The following MAN1A1 variants were observed in gnomAD, a reference collection of about 807,000 sequenced individuals.
MAN1A1 encodes mannosidase alpha class 1A member 1, also known as mannosyl-oligosaccharide 1,2-alpha-mannosidase IA.
In MAN1A1, 29 loss-of-function variants were observed where a neutral mutation model predicts 70.8. The observed-to-expected ratio is 0.41, with a 90% CI of 0.31 to 0.56. The LOEUF (loss-of-function observed/expected upper bound fraction) is 0.56. Ranked by LOEUF, MAN1A1 falls within the 20% of genes least tolerant of loss-of-function variation. MAN1A1 has a pLI of 0.29. For synonymous variants in MAN1A1, 349 were observed against 330.1 expected (o/e 1.06, Z -0.62); for missense variants, 747 against 841.3 (o/e 0.89, Z 1.39).
intron 11 of MAN1A1, among the ~76,000 whole-genome samples, chr6:119,185,476 C>T (rs1198013612): frequency 1.3e-5 from 2 of 152,186 alleles, no homozygotes; most frequent in Admixed American, 6.5e-5. Context: ...AAATACTTTA[C>T]AAACTGAAAG....
chr6:119,285,070 G>C (rs1233486735), intron 5 of MAN1A1, among the ~76,000 whole-genome samples: 1 of 151,922 alleles, frequency 6.6e-6, no homozygotes, highest in Non-Finnish European at 1.5e-5. Context: ...AGGTGAAGAG[G>C]GAGCAGGTGT....
chr6:119,223,848 T>TTA (rs1022570921), intron 6 of MAN1A1, among the ~76,000 whole-genome samples: 16 of 151,608 alleles, frequency 1.1e-4, no homozygotes, highest in East Asian at 5.8e-4. Context: ...AATCTGGGCA[T>TTA]TATATATATA....
intron 2 of MAN1A1, chr6:119,331,881 G>C (rs1277395551): frequency 2.3e-6 from 1 of 436,314 alleles, no homozygotes; most frequent in Non-Finnish European, 4.5e-6. Flanking sequence ...GGGATATGGG[G>C]AACCCAGCAG....
chr6:119,298,794 C>T (rs1019718303), intron 4 of MAN1A1, among the ~76,000 whole-genome samples: 19 of 151,732 alleles, frequency 1.3e-4, no homozygotes, highest in Admixed American at 9.9e-4. Context: ...GACGGGGTTT[C>T]GCCATGTTAG....
At position 119,179,708 on chromosome 6, in the gene MAN1A1, C is replaced by G. The variant is rs1244080346; in HGVS notation, c.*111G>C. ...AAAAGACTGCAAAACAATTTAAGAA[C>G]TTAATCACAGACCTACTAATCAAAG... On this transcript the variant is annotated 3_prime_UTR_variant, in exon 13 of 13. Coordinates refer to ENST00000368468, the MANE Select transcript of MAN1A1 (RefSeq NM_005907.4). The G allele has an allele frequency of 2.4e-5, 24 of 1,004,308 alleles. No individual in the cohort carries two copies. The highest frequency in any genetic ancestry group is 2.9e-4 in the Middle Eastern group (1 of 3,498). 62.2% of individuals were successfully genotyped at this position (1,004,308 alleles called of 1,614,324 possible).
chr6:119,275,414 C>A (rs1458802810), intron 5 of MAN1A1, among the ~76,000 whole-genome samples: 1 of 141,866 alleles, frequency 7.0e-6, no homozygotes, highest in Non-Finnish European at 1.5e-5. Flanking sequence ...TCACGCCATT[C>A]TCCTGCCTCA....
chr6:119,280,879 A>T (rs1173713303), intron 5 of MAN1A1, among the ~76,000 whole-genome samples: 1 of 152,220 alleles, frequency 6.6e-6, no homozygotes, highest in African/African-American at 2.4e-5. Flanking sequence ...GAAAAATGAG[A>T]AGTGACTGAC....
At chr6:119,188,353 CATTTTTTACT>C in intron 11 of MAN1A1, 42 bp downstream of exon 11, 1 of 1,507,408 alleles carries the variant, frequency 6.6e-7, no homozygotes, top group South Asian at 1.3e-5. Context: ...TATCACTGAA[CATTTTTTACT>C]ATGAAATTTA....
At chr6:119,186,065 G>A (rs1183191737) in intron 11 of MAN1A1, among the ~76,000 whole-genome samples, 1 of 152,104 alleles carries the variant, frequency 6.6e-6, no homozygotes, top group Non-Finnish European at 1.5e-5. Flanking sequence ...TTGAGGAGCT[G>A]AAATGCAGAA....
intron 6 of MAN1A1, among the ~76,000 whole-genome samples, chr6:119,219,321 G>C (rs1774293958): frequency 6.6e-6 from 1 of 151,810 alleles, no homozygotes; most frequent in Non-Finnish European, 1.5e-5. Flanking sequence ...AGGTAAATTA[G>C]GGAATGGGTC....
intron 8 of MAN1A1, among the ~76,000 whole-genome samples, chr6:119,197,695 C>T (rs1773608802): frequency 6.6e-6 from 1 of 152,000 alleles, no homozygotes; most frequent in Non-Finnish European, 1.5e-5. Flanking sequence ...CCAAGCAGGC[C>T]TCGATTGAAG....
intron 2 of MAN1A1, among the ~76,000 whole-genome samples, chr6:119,340,518 T>C (rs1262520537): frequency 2.0e-5 from 3 of 152,220 alleles, no homozygotes; most frequent in Non-Finnish European, 4.4e-5. Flanking sequence ...TTGTAGTCTA[T>C]GGATGGCTTG....
intron 2 of MAN1A1, among the ~76,000 whole-genome samples, chr6:119,337,887 ATT>A (rs1164746601): frequency 1.3e-5 from 2 of 152,196 alleles, no homozygotes; most frequent in Non-Finnish European, 2.9e-5. Context: ...ATATATGCCA[ATT>A]ATAAAATACG....
chr6:119,348,490 G>T lies in MAN1A1; in HGVS notation c.576C>A (p.Ile192=), dbSNP rs756702249. ...VESREPADAA[I]REKRAKIKEM... ...CTTTGATCTTTGCCCTTTTCTCGCG[G>T]ATGGCGGCGTCGGCGGGCTCCCGGC... The change falls in exon 2 of 13, where the codon ATC becomes ATA. Residue 192 remains isoleucine (I), a synonymous_variant. Coordinates refer to ENST00000368468, the MANE Select transcript of MAN1A1 (RefSeq NM_005907.4). The T allele has an allele frequency of 6.2e-6, 10 of 1,608,162 alleles. No homozygotes were observed. The highest frequency in any genetic ancestry group is 8.5e-6 in the Non-Finnish European group (10 of 1,177,104).
In MAN1A1 at chr6:119,240,559, T is replaced by C. The variant is rs1464918653; in HGVS notation, c.992+7701A>G. Among the ~76,000 whole-genome samples, 3 of 151,986 alleles carry C rather than the reference T, an allele frequency of 2.0e-5. No homozygotes were observed. In the East Asian group the frequency reaches 5.8e-4, roughly 29 times the overall value. ...CCTGCCTTCAGAGAATAAAAAACAC[T>C]TAAAAAACCCATTTACCTGAGTGTT... is the stretch of plus-strand genomic sequence containing the variant. On this transcript the variant is annotated intron_variant, in intron 6 of 12. Transcript: ENST00000368468.
intron 11 of MAN1A1, among the ~76,000 whole-genome samples, chr6:119,183,318 G>C (rs1000030516): frequency 2.0e-5 from 3 of 152,106 alleles, no homozygotes; most frequent in Non-Finnish European, 2.9e-5. Flanking sequence ...CAGATGCTTC[G>C]ATTAAATTCT....
chr6:119,209,032 T>C (rs753909603), intron 6 of MAN1A1, among the ~76,000 whole-genome samples: 160 of 146,912 alleles, frequency 1.1e-3, no homozygotes, highest in Non-Finnish European at 1.9e-3. Flanking sequence ...GAGGTGGAGG[T>C]TGCAGTGAGC....
intron 8 of MAN1A1, among the ~76,000 whole-genome samples, chr6:119,198,289 C>T (rs1011863513): frequency 2.6e-5 from 4 of 152,184 alleles, no homozygotes; most frequent in African/African-American, 9.7e-5. Context: ...ACTCGGGAGG[C>T]TGAGGCAGGA....
At chr6:119,329,136 G>C (rs1380342696) in intron 2 of MAN1A1, among the ~76,000 whole-genome samples, 1 of 152,076 alleles carries the variant, frequency 6.6e-6, no homozygotes, top group Non-Finnish European at 1.5e-5. Flanking sequence ...CACCCCCCTG[G>C]CCATAGATGA....
Sources: gnomAD v4.1 joint callset for allele counts (sites outside exome capture counted in the v4.1 genomes callset) on GRCh38, gnomAD v4.1.1 for gene constraint, MANE v1.5 for transcripts, NCBI Gene and HGNC (gene_info 2026-07-23, HGNC 2026-07-21) for gene names.